The following DIAPH2 variants were observed in gnomAD, a reference collection of about 807,000 sequenced individuals.
DIAPH2 encodes protein diaphanous homolog 2.
A neutral mutation model predicts 92.7 loss-of-function variants in DIAPH2; 35 were observed. The ratio of observed to expected loss-of-function variants is 0.38; its 90% CI spans 0.29 to 0.50. The LOEUF is 0.50. Among genes scored for constraint, DIAPH2 ranks in the 20% least tolerant of loss-of-function variants. DIAPH2 has a pLI of 0.94. For synonymous variants in DIAPH2, 301 were observed against 280.4 expected (o/e 1.07, Z -0.73); for missense variants, 701 against 819.5 (o/e 0.86, Z 1.77).
chrX:96,806,782 C>G (rs1224002978), intron 4 of DIAPH2, among the ~76,000 whole-genome samples: 2 of 105,484 alleles, frequency 1.9e-5, no homozygotes, highest in African/African-American at 6.9e-5. Flanking sequence ...GCTCGGTCAT[C>G]CAGGCTGGAG....
At chrX:97,463,072 C>G (rs1218696059) in intron 26 of DIAPH2, among the ~76,000 whole-genome samples, 1 of 110,761 alleles carries the variant, frequency 9.0e-6, no homozygotes, top group South Asian at 3.9e-4. Context: ...TATTATACAC[C>G]TAGACCTAGA....
chrX:96,814,338 C>T (rs775735492), intron 4 of DIAPH2, among the ~76,000 whole-genome samples: 29 of 111,697 alleles, frequency 2.6e-4, no homozygotes, highest in Non-Finnish European at 4.7e-4. Flanking sequence ...CTTGTGCACG[C>T]GTCACGTAGT....
At chrX:97,306,408 A>G (rs1164144323) in intron 23 of DIAPH2, among the ~76,000 whole-genome samples, 2 of 111,259 alleles carry the variant, frequency 1.8e-5, no homozygotes, top group Admixed American at 9.6e-5. Context: ...GTAAGCTGTC[A>G]CCAGATCTGG....
intron 24 of DIAPH2, among the ~76,000 whole-genome samples, chrX:97,357,202 G>A (rs1711898221): frequency 9.0e-6 from 1 of 111,663 alleles, no homozygotes; most frequent in Non-Finnish European, 1.9e-5. Context: ...CAGAAGTCTT[G>A]AGATTGGCCA....
chrX:96,899,506 A>T (rs1456364505), intron 5 of DIAPH2, among the ~76,000 whole-genome samples: 1 of 110,886 alleles, frequency 9.0e-6, no homozygotes, highest in Non-Finnish European at 1.9e-5. Context: ...ATGGGAGTTC[A>T]CTCATGATTT....
chrX:96,774,528 A>C (rs2064362764), intron 4 of DIAPH2, among the ~76,000 whole-genome samples: 1 of 111,880 alleles, frequency 8.9e-6, no homozygotes, highest in African/African-American at 3.2e-5. Context: ...TGGCTTTCAT[A>C]GCAGATGTTC....
intron 23 of DIAPH2, among the ~76,000 whole-genome samples, chrX:97,316,078 G>A (rs1168012725): frequency 9.0e-6 from 1 of 111,050 alleles, no homozygotes; most frequent in Non-Finnish European, 1.9e-5. Flanking sequence ...CTTGATCATC[G>A]CATCATAGTG....
At chrX:97,438,201 A>G (rs1047744332) in intron 26 of DIAPH2, among the ~76,000 whole-genome samples, 1 of 108,568 alleles carries the variant, frequency 9.2e-6, no homozygotes, top group African/African-American at 3.3e-5. Flanking sequence ...GAATTAGTCA[A>G]CATGGTCACA....
chrX:96,728,090 A>G (rs2064032496), intron 1 of DIAPH2, among the ~76,000 whole-genome samples: 1 of 111,186 alleles, frequency 9.0e-6, no homozygotes, highest in Non-Finnish European at 1.9e-5. Flanking sequence ...TAAGTGAACA[A>G]TATCATTTCA....
At chrX:97,442,209 A>G (rs757468489) in intron 26 of DIAPH2, 53 of 113,156 alleles carry the variant, frequency 4.7e-4, no homozygotes, top group African/African-American at 1.6e-3. Flanking sequence ...GGAATATGTG[A>G]TAAGTTAGGA....
At chrX:97,537,886 CT>C (rs778796568) in intron 26 of DIAPH2, among the ~76,000 whole-genome samples, 6,196 of 92,157 alleles carry the variant, frequency 0.067, 250 homozygotes, top group African/African-American at 0.16. Context: ...AGACTAAATT[CT>C]TTTTTTTTTT....
intron 4 of DIAPH2, among the ~76,000 whole-genome samples, chrX:96,761,494 T>C (rs1407375566): frequency 9.0e-6 from 1 of 110,859 alleles, no homozygotes; most frequent in African/African-American, 3.3e-5. Context: ...GGTTTTGCTT[T>C]TGTCATTATC....
chrX:96,750,984 A>G (rs2064183159), intron 3 of DIAPH2, among the ~76,000 whole-genome samples: 1 of 112,491 alleles, frequency 8.9e-6, no homozygotes, highest in Admixed American at 9.4e-5. Flanking sequence ...CTAAACACAT[A>G]TCATTAAGTT....
chrX:96,709,576 C>T (rs768654459), intron 1 of DIAPH2, among the ~76,000 whole-genome samples: 32 of 111,726 alleles, frequency 2.9e-4, no homozygotes, highest in Non-Finnish European at 5.1e-4. Flanking sequence ...TGATGTAGCT[C>T]TACATCAAAA....
At chrX:96,854,177 C>CAATGGAAATTTTTA (rs1205262855) in intron 4 of DIAPH2, among the ~76,000 whole-genome samples, 1 of 110,632 alleles carries the variant, frequency 9.0e-6, no homozygotes, top group Non-Finnish European at 1.9e-5. Context: ...AAATATTTTA[C>CAATGGAAATTTTTA]ATCGCAATGG....
chrX:97,328,748 TTTCA>T (rs919631394), intron 23 of DIAPH2, among the ~76,000 whole-genome samples: 1 of 111,693 alleles, frequency 9.0e-6, no homozygotes, highest in African/African-American at 3.2e-5. Context: ...AATTTATTAA[TTTCA>T]TTCATAAAAT....
At chrX:96,817,824 G>A (rs766697373) in intron 4 of DIAPH2, among the ~76,000 whole-genome samples, 1 of 108,920 alleles carries the variant, frequency 9.2e-6, no homozygotes, top group Admixed American at 9.8e-5. Flanking sequence ...CAATCACATT[G>A]GGGGTTAGGA....
chrX:96,939,899 G>A lies in DIAPH2; in HGVS notation c.1325+517G>A, dbSNP rs1270418020. Among the ~76,000 whole-genome samples the A allele has an allele frequency of 3.3e-5, 3 of 89,737 alleles. 1 individual carries two copies. Among genetic ancestry groups the A allele is most frequent in the African/African-American group, 1.7e-4 (3 of 17,922 alleles). The allele number at this position is 89,737 out of a possible 115,157, so 77.9% of individuals were successfully genotyped here. A position where few individuals can be genotyped will look rare whatever the true frequency, so the allele number is the denominator to read the frequency against. Reference sequence around the variant, plus strand: ...AGGATGGTCTCGATCTCCTGACCTCGTGATCCGCCCGTCTCGGCCTCCCAA... The same window carrying A: ...AGGATGGTCTCGATCTCCTGACCTCATGATCCGCCCGTCTCGGCCTCCCAA... On this transcript the variant is annotated intron_variant, in intron 12 of 26. Coordinates refer to ENST00000324765, the MANE Select transcript of DIAPH2 (RefSeq NM_006729.5).
rs541033543 is a variant in DIAPH2, at chrX:96,883,450, G to A, written c.587+1732G>A. On this transcript the variant is annotated intron_variant, in intron 5 of 26. Transcript: ENST00000324765. Reference sequence around the variant, plus strand: ...GGCTGGAGTGCAGTGGTGCTGTCTCGGTTCACTGCAACCTCTGCCTCCTGG... The same window carrying A: ...GGCTGGAGTGCAGTGGTGCTGTCTCAGTTCACTGCAACCTCTGCCTCCTGG... Among the ~76,000 whole-genome samples the A allele has an allele frequency of 1.7e-3, 181 of 107,419 alleles. 2 individuals carry two copies. Among genetic ancestry groups the A allele is most frequent in the African/African-American group, 6.0e-3 (175 of 29,401 alleles). The allele number at this position is 107,419 out of a possible 115,157, so 93.3% of individuals were successfully genotyped here.
Sources: gnomAD v4.1 joint callset for allele counts (sites outside exome capture counted in the v4.1 genomes callset) on GRCh38, gnomAD v4.1.1 for gene constraint, MANE v1.5 for transcripts, NCBI Gene and HGNC (gene_info 2026-07-23, HGNC 2026-07-21) for gene names.